The following TASP1 variants were observed in gnomAD, a reference collection of about 807,000 sequenced individuals.
The protein encoded by TASP1 is taspase 1, also known as threonine aspartase 1.
Under a neutral mutation model 56.6 loss-of-function variants are expected in TASP1, and 16 were observed. The observed-to-expected ratio is 0.28, with a 90% CI of 0.19 to 0.43. TASP1 has a LOEUF of 0.43. TASP1 is among the 20% of genes least tolerant of loss of function. The pLI, the probability that TASP1 is intolerant of heterozygous loss-of-function variation, is 1.00. For missense variants in TASP1, 393 were observed against 511.6 expected, an observed-to-expected ratio of 0.77 and a Z score of 2.24; for synonymous variants, 179 against 184.2, an observed-to-expected ratio of 0.97 and a Z score of 0.23.
chr20:13,580,985 T>TTA lies in TASP1; in HGVS notation c.404-5_404-4insTA, dbSNP rs1555794712. On this transcript the variant is annotated splice_region_variant and splice_polypyrimidine_tract_variant and intron_variant, in intron 5 of 13. Transcript: ENST00000337743. Reference sequence around the variant, plus strand: ...ACCGAGACTGGGTTCTTGATTCCTATAAAAAAAAAAAAAAAATTGGCAAAA... The same window carrying TTA: ...ACCGAGACTGGGTTCTTGATTCCTATTAAAAAAAAAAAAAAAAATTGGCAAAA... 2,256 of 1,469,036 alleles carry TTA rather than the reference T, an allele frequency of 1.5e-3. 2 individuals are homozygous for TTA. The highest frequency in any genetic ancestry group is 1.4e-3 in the Non-Finnish European group (1,525 of 1,091,554). The allele number at this position is 1,469,036 out of a possible 1,614,324, so 91.0% of individuals were successfully genotyped here. A position where few individuals can be genotyped will look rare whatever the true frequency, so the allele number is the denominator to read the frequency against.
chr20:13,423,358 A>C (rs1373232905), intron 12 of TASP1, among the ~76,000 whole-genome samples: 1 of 152,202 alleles, frequency 6.6e-6, no homozygotes, highest in East Asian at 1.9e-4. Context: ...ACAAAGTAAT[A>C]ATTGCTCTTC....
At chr20:13,277,935 C>T in the TASP1 span, among the ~76,000 whole-genome samples, 3 of 152,160 alleles carry the variant, frequency 2.0e-5, no homozygotes, top group Non-Finnish European at 4.4e-5. Flanking sequence ...CAAACCTCCC[C>T]ATTCGTAACA....
intron 12 of TASP1, among the ~76,000 whole-genome samples, chr20:13,427,335 G>A (rs193058818): frequency 2.2e-4 from 33 of 152,234 alleles, no homozygotes; most frequent in African/African-American, 6.5e-4. Context: ...CAAAGTACTC[G>A]ATAAAGAACT....
intron 10 of TASP1, among the ~76,000 whole-genome samples, chr20:13,509,929 T>C (rs1012458523): frequency 6.6e-6 from 1 of 152,102 alleles, no homozygotes; most frequent in Non-Finnish European, 1.5e-5. Flanking sequence ...TCTGGCCTTG[T>C]AATTCTTGTT....
At chr20:13,304,150 C>T in the TASP1 span, among the ~76,000 whole-genome samples, 10 of 152,216 alleles carry the variant, frequency 6.6e-5, no homozygotes, top group African/African-American at 2.4e-4. Context: ...CAGTGAAGTA[C>T]TGTCCAATGC....
intron 7 of TASP1, among the ~76,000 whole-genome samples, chr20:13,568,862 G>T (rs1203383075): frequency 6.6e-6 from 1 of 152,100 alleles, no homozygotes; most frequent in Non-Finnish European, 1.5e-5. Flanking sequence ...CTTACCAGGA[G>T]TAATATGTTT....
At chr20:13,280,396 C>A in the TASP1 span, among the ~76,000 whole-genome samples, 2 of 147,998 alleles carry the variant, frequency 1.4e-5, no homozygotes, top group East Asian at 4.2e-4. Context: ...AAGTAACCCC[C>A]CCCCCCCAAT....
chr20:13,105,776 T>G, the TASP1 span, among the ~76,000 whole-genome samples: 1 of 152,168 alleles, frequency 6.6e-6, no homozygotes, highest in African/African-American at 2.4e-5. Context: ...AAAACATTCT[T>G]AACAGGAATG....
At chr20:13,538,156 C>G (rs1015722273) in intron 8 of TASP1, among the ~76,000 whole-genome samples, 4 of 152,196 alleles carry the variant, frequency 2.6e-5, no homozygotes, top group East Asian at 1.9e-4. Flanking sequence ...CACCCACCAC[C>G]ACACCCAGCT....
chr20:13,129,189 A>G, the TASP1 span, among the ~76,000 whole-genome samples: 1 of 152,180 alleles, frequency 6.6e-6, no homozygotes, highest in Non-Finnish European at 1.5e-5. Flanking sequence ...TGTAGTCGAG[A>G]CGGGGTTTCA....
At chr20:13,475,112 A>T (rs1420963614) in intron 11 of TASP1, among the ~76,000 whole-genome samples, 1 of 152,132 alleles carries the variant, frequency 6.6e-6, no homozygotes, top group Non-Finnish European at 1.5e-5. Context: ...GACTTCCCAA[A>T]TCCTCCCTTC....
chr20:13,459,509 A>C (rs1377835990), intron 11 of TASP1, among the ~76,000 whole-genome samples: 2 of 152,146 alleles, frequency 1.3e-5, no homozygotes, highest in Non-Finnish European at 2.9e-5. Context: ...CTGCACCCAT[A>C]AACCAAACTT....
Position 13,514,570 on chromosome 20 carries a change from A to G in TASP1, c.874+13863T>C, listed in dbSNP as rs151303650. 4.7e-4 allele frequency among the ~76,000 whole-genome samples: 71 copies of G among 152,234 alleles called. 2 individuals carry two copies. The East Asian group carries it at 0.013, about 28-fold the overall frequency. ...CAAAGCCCATAAATCCCTCACCTCA[A>G]TGTGCCCCTAAGTGTACTTGCTCTT... On this transcript the variant is annotated intron_variant, in intron 10 of 13. Transcript: ENST00000337743.
At chr20:13,151,245 C>T in the TASP1 span, among the ~76,000 whole-genome samples, 1 of 152,212 alleles carries the variant, frequency 6.6e-6, no homozygotes, top group Non-Finnish European at 1.5e-5. Flanking sequence ...TTACTACCAT[C>T]CTCTCTAAAT....
chr20:13,540,392 T>C (rs1279374230), intron 8 of TASP1, among the ~76,000 whole-genome samples: 1 of 152,216 alleles, frequency 6.6e-6, no homozygotes, highest in Non-Finnish European at 1.5e-5. Flanking sequence ...AATTCTTAAG[T>C]ATTTACCAAA....
chr20:13,299,484 G>A, the TASP1 span: 21 of 1,570,362 alleles, frequency 1.3e-5, no homozygotes, highest in Non-Finnish European at 1.8e-5. The surrounding 1 kb of genome is among the most constrained non-coding windows in gnomAD (Gnocchi z 5.8). Context: ...GGTGGAGGAC[G>A]CTGCCTCTGG....
the TASP1 span, among the ~76,000 whole-genome samples, chr20:13,380,821 A>G: frequency 6.6e-6 from 1 of 152,186 alleles, no homozygotes; most frequent in Non-Finnish European, 1.5e-5. Flanking sequence ...GCAGCTTTGC[A>G]GAGCTGCGGT....
chr20:13,266,974 T>G, the TASP1 span, among the ~76,000 whole-genome samples: 2 of 152,062 alleles, frequency 1.3e-5, no homozygotes, highest in Admixed American at 6.6e-5. Context: ...TAAAGAAAGG[T>G]TTTCTTCTGC....
At chr20:13,558,041 G>A (rs1236850067) in intron 8 of TASP1, among the ~76,000 whole-genome samples, 1 of 151,734 alleles carries the variant, frequency 6.6e-6, no homozygotes, top group African/African-American at 2.4e-5. Flanking sequence ...AATTAAAAAG[G>A]TTTGTACCAA....
Sources: gnomAD v4.1 joint callset for allele counts (sites outside exome capture counted in the v4.1 genomes callset) on GRCh38, gnomAD v4.1.1 for gene constraint, Gnocchi (gnomAD v3.1) non-coding constraint, MANE v1.5 for transcripts, NCBI Gene and HGNC (gene_info 2026-07-23, HGNC 2026-07-21) for gene names.